Variants in NECTIN4 observed in about 807,000 individuals in gnomAD.
NECTIN4 encodes the protein nectin cell adhesion molecule 4, also known as nectin-4.
Under a neutral mutation model 51.7 loss-of-function variants are expected in NECTIN4, and 19 were observed. That is an observed-to-expected ratio of 0.37 (90% CI 0.26 to 0.54). The LOEUF is 0.54. NECTIN4 is among the 20% of genes least tolerant of loss of function. NECTIN4 has a pLI of 0.86. For synonymous variants in NECTIN4, 283 were observed against 286.9 expected (o/e 0.99, Z 0.14); for missense variants, 619 against 662.4 (o/e 0.93, Z 0.72).
At chr1:161,080,002 G>A in intron 1 of NECTIN4, 53 bp from the exon 2 acceptor site, 1 of 1,543,740 alleles carries the variant, frequency 6.5e-7, no homozygotes, top group Admixed American at 1.9e-5. Flanking sequence ...CAGAGCTGGG[G>A]GAGCACAGTC....
Position 161,089,320 on chromosome 1 carries a change from G to A in NECTIN4, c.-24C>T, listed in dbSNP as rs780469511. ...ATGGTTGAAAGGCAGACTGCCCAGC[G>A]TTTCTGAAGTTCCACCGAGATCTCC... On this transcript the variant is annotated 5_prime_UTR_variant, in exon 1 of 9. It adds an upstream start codon to the 5' untranslated region. Coordinates refer to ENST00000368012, the MANE Select transcript of NECTIN4 (RefSeq NM_030916.3). This position sits in a 1 kb window ranked among gnomAD's most constrained non-coding sequence, Gnocchi z 4.1. The A allele has an allele frequency of 1.3e-5, 20 of 1,593,840 alleles. 1 individual carries two copies. The highest frequency in any genetic ancestry group is 4.6e-5 in the East Asian group (2 of 43,520).
At chr1:161,074,140 G>A (rs997539793) in intron 6 of NECTIN4, 77 bp downstream of exon 6, 26 of 1,580,500 alleles carry the variant, frequency 1.6e-5, no homozygotes, top group Non-Finnish European at 1.9e-5. Context: ...CAGTCTCCTC[G>A]GTCCTGGCCC....
chr1:161,085,077 T>G (rs1653875120), intron 1 of NECTIN4: 1 of 152,348 alleles, frequency 6.6e-6, no homozygotes, highest in Non-Finnish European at 1.5e-5. Flanking sequence ...CTTTGCCCCA[T>G]AACCTTGGCC....
At position 161,089,187 on chromosome 1, in the gene NECTIN4, C is replaced by G; in HGVS notation, c.79+31G>C. The G allele has an allele frequency of 6.2e-7, 1 of 1,609,560 alleles. No homozygotes were observed. The highest frequency in any genetic ancestry group is 8.5e-7 in the Non-Finnish European group (1 of 1,176,852). Reference sequence around the variant, plus strand: ...GTCAGTGCCAGGTTGGGCTCAGAAGCAAGTGTCCTGATGGTTCAGGCAAGT... The same window carrying G: ...GTCAGTGCCAGGTTGGGCTCAGAAGGAAGTGTCCTGATGGTTCAGGCAAGT... On this transcript the variant is annotated intron_variant, in intron 1 of 8. Coordinates refer to ENST00000368012, the MANE Select transcript of NECTIN4 (RefSeq NM_030916.3). The surrounding 1 kb of genome is among the most constrained non-coding windows in gnomAD (Gnocchi z 4.1).
intron 1 of NECTIN4, among the ~76,000 whole-genome samples, chr1:161,088,307 T>G (rs1158506259): frequency 1.3e-5 from 2 of 152,034 alleles, no homozygotes; most frequent in African/African-American, 4.8e-5. Flanking sequence ...GGCCCTATCT[T>G]TTGAAGGAGA....
At chr1:161,080,059 G>C in intron 1 of NECTIN4, 110 bp from the exon 2 acceptor site, 1 of 1,351,218 alleles carries the variant, frequency 7.4e-7, no homozygotes, top group Non-Finnish European at 1.0e-6. Flanking sequence ...GGAGCATTTG[G>C]GCTTGCAAAG....
intron 1 of NECTIN4, among the ~76,000 whole-genome samples, chr1:161,081,194 A>G (rs922342701): frequency 6.6e-6 from 1 of 152,144 alleles, no homozygotes; most frequent in African/African-American, 2.4e-5. Context: ...GGTGGGGCCA[A>G]ATCACCGGGG....
At chr1:161,086,595 G>T (rs1195988802) in intron 1 of NECTIN4, among the ~76,000 whole-genome samples, 1 of 152,238 alleles carries the variant, frequency 6.6e-6, no homozygotes, top group Non-Finnish European at 1.5e-5. Flanking sequence ...CTAATGGGGG[G>T]AGGGGTGTCT....
At chr1:161,075,237 CAT>C (rs1234065475) in intron 4 of NECTIN4, among the ~76,000 whole-genome samples, 3 of 152,294 alleles carry the variant, frequency 2.0e-5, no homozygotes, top group East Asian at 1.9e-4. Context: ...TGCTCACACA[CAT>C]GTGTACCCAA....
chr1:161,080,095 A>G, intron 1 of NECTIN4, 146 bp from the exon 2 acceptor site: 1 of 995,548 alleles, frequency 1.0e-6, no homozygotes, highest in Non-Finnish European at 1.4e-6. Context: ...ACCTTATTAA[A>G]TCTACAAAAC....
chr1:161,075,259 G>C (rs986909214), intron 4 of NECTIN4, among the ~76,000 whole-genome samples: 5 of 152,186 alleles, frequency 3.3e-5, no homozygotes, highest in South Asian at 4.1e-4. Context: ...ACCTCTCCCT[G>C]ACTCTCTAGA....
intron 5 of NECTIN4, 108 bp downstream of exon 5, chr1:161,074,503 C>A: frequency 6.3e-7 from 1 of 1,574,960 alleles, no homozygotes; most frequent in Non-Finnish European, 8.7e-7. Flanking sequence ...CAGCCCAGCC[C>A]CCTCTGAATA....
Position 161,074,280 on chromosome 1 carries a change from A to G in NECTIN4, c.1094T>C (p.Val365Ala), listed in dbSNP as rs1455726351. The part of the protein sequence containing the change: ...VIAALLFCLL[V>A]VVVVLMSRYH... ...TCGGGACATGAGCACCACCACCACC[A>G]CCAGAAGGCAGAACAAGAGTGCGGC... Residue 365 changes from valine to alanine, a missense_variant, in exon 6 of 9, where the codon GTG (valine) becomes GCG (alanine). Coordinates refer to ENST00000368012, the MANE Select transcript of NECTIN4 (RefSeq NM_030916.3). 6 of 1,613,606 alleles carry G rather than the reference A, an allele frequency of 3.7e-6. No individual in the cohort carries two copies.
At position 161,077,496 on chromosome 1, in the gene NECTIN4, G is replaced by A; in HGVS notation, c.687C>T (p.Gly229=). 6.2e-7 allele frequency: 1 copy of A among 1,614,152 alleles called. No homozygotes were observed. The highest frequency in any genetic ancestry group is 1.1e-5 in the South Asian group (1 of 91,084). The stretch of plus-strand genomic sequence containing the variant: ...GGGTGATCCTTTGGTCCTGGAGCAG[G>A]CCAGGATGGGACACCACACAAGTCA... ...QPLTCVVSHP[G]LLQDQRITHI... The change falls in exon 3 of 9, where the codon GGC becomes GGT. Residue 229 remains glycine (G), a synonymous_variant. Transcript: ENST00000368012.
chr1:161,072,775 ATCT>A lies in NECTIN4; in HGVS notation c.1416_1418del (p.Glu472del), dbSNP rs1653233537. On this transcript the variant is annotated inframe_deletion, in exon 9 of 9. Transcript: ENST00000368012. ...TGGCCTGTTTGATGCCTTCATCCTG[ATCT>A]TCCTCCTCCTCGGCCCGCCCAGAGC... The A allele has an allele frequency of 1.2e-6, 2 of 1,614,094 alleles. No individual in the cohort carries two copies. The highest frequency in any genetic ancestry group is 1.7e-6 in the Non-Finnish European group (2 of 1,180,004).
chr1:161,074,354 C>T lies in NECTIN4; in HGVS notation c.1020G>A (p.Gly340=). 1 of 1,614,066 alleles carries T rather than the reference C, an allele frequency of 6.2e-7. No homozygotes were observed. The highest frequency in any genetic ancestry group is 8.5e-7 in the Non-Finnish European group (1 of 1,180,006). ...AGGCTGACACTAGGTCCACCTGCTT[C>T]CCAGAGTCTTCCTGGGGGTCTGCTG... ...VDVLDPQEDS[G]KQVDLVSASV... Residue 340 remains glycine, a synonymous_variant, in exon 6 of 9, where the codon GGG becomes GGA. Coordinates refer to ENST00000368012, the MANE Select transcript of NECTIN4 (RefSeq NM_030916.3).
rs758058436 is a variant in NECTIN4, at chr1:161,077,752, G to A, written c.440-9C>T. ...TGAGGGCAGGGGAGGCACTGCAAATGGGGAAAGGCAGGGGTCACAGGTCTA... is the reference window on the plus strand; with the variant it reads ...TGAGGGCAGGGGAGGCACTGCAAATAGGGAAAGGCAGGGGTCACAGGTCTA... On this transcript the variant is annotated splice_polypyrimidine_tract_variant and intron_variant, in intron 2 of 8. Transcript: ENST00000368012. 5 of 1,603,746 alleles carry A rather than the reference G, an allele frequency of 3.1e-6. No individual in the cohort carries two copies. In the Middle Eastern group the frequency reaches 8.3e-4, roughly 267 times the overall value.
intron 4 of NECTIN4, 21 bp from the exon 5 acceptor site, chr1:161,074,780 A>G (rs759916710): frequency 6.2e-7 from 1 of 1,611,362 alleles, no homozygotes; most frequent in Non-Finnish European, 8.5e-7. Context: ...GGGAAGCTGA[A>G]GGGTGCCAGC....
At position 161,072,406 on chromosome 1, in the gene NECTIN4, CCA is replaced by C. The variant is rs1199064080; in HGVS notation, c.*253_*254del. 1.1e-4 allele frequency: 65 copies of C among 575,606 alleles called. No homozygotes were observed. Among genetic ancestry groups the C allele is most frequent in the Non-Finnish European group, 1.4e-4 (44 of 318,892 alleles). The allele number at this position is 575,606 out of a possible 1,614,324, so 35.7% of individuals were successfully genotyped here. On this transcript the variant is annotated 3_prime_UTR_variant, in exon 9 of 9. Transcript: ENST00000368012. ...CACCCCTCCACGGACAGTCACCCCT[CCA>C]CACACACACAGTCAGTCAACACTCA...
Sources: gnomAD v4.1 joint callset for allele counts (sites outside exome capture counted in the v4.1 genomes callset) on GRCh38, gnomAD v4.1.1 for gene constraint, Gnocchi (gnomAD v3.1) non-coding constraint, MANE v1.5 for transcripts, NCBI Gene and HGNC (gene_info 2026-07-23, HGNC 2026-07-21) for gene names.